Variants in VPS13A observed in about 807,000 individuals in gnomAD.
VPS13A encodes vacuolar protein sorting 13 homolog A.
A neutral mutation model predicts 390.9 loss-of-function variants in VPS13A; 264 were observed. That is an observed-to-expected ratio of 0.68 (90% confidence interval 0.61 to 0.75). The LOEUF (loss-of-function observed/expected upper bound fraction) is 0.75, where lower values mean the gene tolerates loss of function less well. Ranked by LOEUF, VPS13A falls within the 30% of genes least tolerant of loss-of-function variation. The pLI, the probability that VPS13A is intolerant of heterozygous loss-of-function variation, is 0.00. For missense variants in VPS13A, 3,409 were observed against 3,733.9 expected, an observed-to-expected ratio of 0.91 and a Z score of 2.27; for synonymous variants, 1,231 against 1,227.1, an observed-to-expected ratio of 1.00 and a Z score of -0.07.
At chr9:77,216,892 G>T (rs182036562) in intron 10 of VPS13A, among the ~76,000 whole-genome samples, 1 of 152,286 alleles carries the variant, frequency 6.6e-6, no homozygotes, top group Non-Finnish European at 1.5e-5. Context: ...TAGGCTCAGA[G>T]GCTAAGCCAC....
At chr9:77,225,809 T>C in intron 13 of VPS13A, 117 bp from the exon 14 acceptor site, 1 of 757,342 alleles carries the variant, frequency 1.3e-6, no homozygotes, top group Non-Finnish European at 2.3e-6. Context: ...GAATGTTCTG[T>C]TGTTTGCTTC....
intron 1 of VPS13A, among the ~76,000 whole-genome samples, chr9:77,188,331 T>C (rs985683429): frequency 1.2e-4 from 19 of 152,236 alleles, no homozygotes; most frequent in African/African-American, 4.1e-4. Context: ...AACACAGTAC[T>C]CAAGTTTTAA....
Position 77,252,332 on chromosome 9 carries a change from C to T in VPS13A, c.2268C>T (p.Phe756=). Residue 756 remains phenylalanine (F), a synonymous_variant, in exon 22 of 72, where the codon TTC becomes TTT. Coordinates refer to ENST00000360280, the MANE Select transcript of VPS13A (RefSeq NM_033305.3). Reference sequence around the variant, plus strand: ...TGGAACTGTCTAAGGCCATGGTTTTCATGGATGTAAGGATGCCCAAGTATG... The same window carrying T: ...TGGAACTGTCTAAGGCCATGGTTTTTATGGATGTAAGGATGCCCAAGTATG... ...FNLELSKAMV[F]MDVRMPKFKI... 6.2e-7 allele frequency: 1 copy of T among 1,613,572 alleles called. No individual in the cohort carries two copies. The highest frequency in any genetic ancestry group is 1.7e-4 in the Middle Eastern group (1 of 6,054).
rs1430731459 is a variant in VPS13A, at chr9:77,412,641, C to T, written c.9475-3315C>T. 5.3e-5 allele frequency among the ~76,000 whole-genome samples: 8 copies of T among 152,256 alleles called. No individual in the cohort carries two copies. The East Asian group carries it at 1.2e-3, about 22-fold the overall frequency. On this transcript the variant is annotated intron_variant, in intron 71 of 71. Transcript: ENST00000360280. ...TCTATGACAAACCCACAGCCAATAT[C>T]ATACCGAATGGGCAAAAACTGGAAG...
chr9:77,321,106 A>T (rs1829716587), intron 42 of VPS13A, 63 bp from the exon 43 acceptor site: 1 of 1,442,582 alleles, frequency 6.9e-7, no homozygotes. Context: ...TGGTATTGGG[A>T]TTTGTCTAGT....
chr9:77,277,920 A>G (rs1392647521), intron 26 of VPS13A, among the ~76,000 whole-genome samples: 2 of 152,184 alleles, frequency 1.3e-5, no homozygotes, highest in African/African-American at 2.4e-5. Flanking sequence ...TTTCAGTTTC[A>G]CTGGGTAAAT....
intron 71 of VPS13A, among the ~76,000 whole-genome samples, chr9:77,414,871 G>T (rs553874270): frequency 6.6e-6 from 1 of 152,076 alleles, no homozygotes; most frequent in African/African-American, 2.4e-5. Flanking sequence ...AACACTCTGC[G>T]TTGATCCTGG....
chr9:77,367,480 G>GTC (rs1231931272), intron 61 of VPS13A, among the ~76,000 whole-genome samples: 1 of 152,168 alleles, frequency 6.6e-6, no homozygotes, highest in Non-Finnish European at 1.5e-5. Context: ...CTGAAGTTAG[G>GTC]TAAGTGTCAA....
intron 13 of VPS13A, among the ~76,000 whole-genome samples, chr9:77,223,058 G>C (rs1416780204): frequency 6.6e-6 from 1 of 152,098 alleles, no homozygotes; most frequent in Admixed American, 6.6e-5. Context: ...CTTCCACCGT[G>C]TGGCTACACC....
rs1031301708 is a variant in VPS13A, at chr9:77,199,888, A to C, written c.101-57A>C. On this transcript the variant is annotated intron_variant, in intron 1 of 71. Transcript: ENST00000360280. ...ATGACAGGAATGAAGCATACATATT[A>C]ACTTTTTAAAATGAAAAATATTTGA... The C allele has an allele frequency of 1.1e-5, 16 of 1,462,550 alleles. No individual in the cohort carries two copies. In the Admixed American group the frequency reaches 3.0e-4, roughly 27 times the overall value. The allele number at this position is 1,462,550 out of a possible 1,614,324, so 90.6% of individuals were successfully genotyped here.
chr9:77,399,197 A>AAAAAAAAAAAAAAG, intron 68 of VPS13A, among the ~76,000 whole-genome samples: 1 of 114,170 alleles, frequency 8.8e-6, no homozygotes, highest in Non-Finnish European at 1.9e-5. Context: ...AAAAAAAAAA[A>AAAAAAAAAAAAAAG]AAAAAAAACA....
At chr9:77,210,943 G>A (rs946399617) in intron 7 of VPS13A, among the ~76,000 whole-genome samples, 1 of 152,104 alleles carries the variant, frequency 6.6e-6, no homozygotes, top group Admixed American at 6.6e-5. Context: ...TTCCAAGTTT[G>A]TAATGAGTAA....
chr9:77,315,250 C>T lies in VPS13A; in HGVS notation c.4413-3C>T. 1 of 1,613,214 alleles carries T rather than the reference C, an allele frequency of 6.2e-7. No homozygotes were observed. Among genetic ancestry groups the T allele is most frequent in the Non-Finnish European group, 8.5e-7 (1 of 1,179,428 alleles). On this transcript the variant is annotated splice_region_variant and splice_polypyrimidine_tract_variant and intron_variant, in intron 37 of 71. Transcript: ENST00000360280. ...TAGGAATTGTTGTTATTGTGTTTTC[C>T]AGAATGATAGGACTGACAGTTGGTT... is the stretch of plus-strand genomic sequence containing the variant.
chr9:77,181,277 C>G (rs1445747688), intron 1 of VPS13A, among the ~76,000 whole-genome samples: 1 of 151,884 alleles, frequency 6.6e-6, no homozygotes, highest in Non-Finnish European at 1.5e-5. Flanking sequence ...AATCCCAGCA[C>G]TTTGGGAGAC....
At chr9:77,293,156 T>G (rs575305228) in intron 31 of VPS13A, among the ~76,000 whole-genome samples, 185 bp from the exon 32 acceptor site, 1 of 152,176 alleles carries the variant, frequency 6.6e-6, no homozygotes, top group South Asian at 2.1e-4. Flanking sequence ...CACCAATTTG[T>G]AAAAGTTTGT....
At chr9:77,373,790 G>GA (rs937719491) in intron 67 of VPS13A, among the ~76,000 whole-genome samples, 2 of 151,224 alleles carry the variant, frequency 1.3e-5, no homozygotes, top group African/African-American at 4.9e-5. Flanking sequence ...AAATTTACAA[G>GA]AAAAAAACAA....
rs553149358 is a variant in VPS13A, at chr9:77,292,816, A to G, written c.3340-525A>G. Reference sequence around the variant, plus strand: ...AGAGCTTGAGATTTTTAACCACTGTAGGTAATTTCTGGTTGGCAATTAAGA... The same window carrying G: ...AGAGCTTGAGATTTTTAACCACTGTGGGTAATTTCTGGTTGGCAATTAAGA... On this transcript the variant is annotated intron_variant, in intron 31 of 71. Transcript: ENST00000360280. Among the ~76,000 whole-genome samples, 6 of 152,264 alleles carry G rather than the reference A, an allele frequency of 3.9e-5. No individual in the cohort carries two copies. In the South Asian group the frequency reaches 6.2e-4, roughly 16 times the overall value.
chr9:77,332,955 A>G (rs1830355309), intron 46 of VPS13A, among the ~76,000 whole-genome samples: 1 of 152,150 alleles, frequency 6.6e-6, no homozygotes, highest in Admixed American at 6.5e-5. Context: ...TTAGGCACCT[A>G]TTTTCACATA....
intron 46 of VPS13A, 95 bp from the exon 47 acceptor site, chr9:77,337,160 A>T: frequency 8.4e-7 from 1 of 1,188,782 alleles, no homozygotes; most frequent in South Asian, 1.4e-5. Context: ...CAATATTATG[A>T]AAGGAGGTAA....
Sources: gnomAD v4.1 joint callset for allele counts (sites outside exome capture counted in the v4.1 genomes callset) on GRCh38, gnomAD v4.1.1 for gene constraint, MANE v1.5 for transcripts, NCBI Gene and HGNC (gene_info 2026-07-23, HGNC 2026-07-21) for gene names.